The following KCNH7 variants were observed in gnomAD, a reference collection of about 807,000 sequenced individuals.
KCNH7 encodes potassium voltage-gated channel subfamily H member 7, also known as voltage-gated inwardly rectifying potassium channel KCNH7.
Under a neutral mutation model 120.8 loss-of-function variants are expected in KCNH7, and 49 were observed. The ratio of observed to expected loss-of-function variants is 0.41; its 90% CI spans 0.32 to 0.51. The LOEUF (loss-of-function observed/expected upper bound fraction) is 0.51. KCNH7 is among the 20% of genes least tolerant of loss of function. KCNH7 has a pLI of 0.38. For synonymous variants in KCNH7, 547 were observed against 516.1 expected, an observed-to-expected ratio of 1.06 and a Z score of -0.81; for missense variants, 1,097 against 1,446.6, an observed-to-expected ratio of 0.76 and a Z score of 3.92.
At chr2:162,747,600 T>C (rs2105422928) in intron 2 of KCNH7, among the ~76,000 whole-genome samples, 1 of 152,268 alleles carries the variant, frequency 6.6e-6, no homozygotes, top group East Asian at 1.9e-4. Flanking sequence ...TTCCACCCAA[T>C]AGTCTAGTTC....
chr2:162,781,357 A>G (rs1287975110), intron 2 of KCNH7, among the ~76,000 whole-genome samples: 2 of 152,118 alleles, frequency 1.3e-5, no homozygotes, highest in African/African-American at 4.8e-5. Context: ...GCAGTAAGCA[A>G]TAAGGCCAGA....
intron 2 of KCNH7, among the ~76,000 whole-genome samples, chr2:162,701,302 G>T (rs1056504204): frequency 1.3e-5 from 2 of 152,048 alleles, no homozygotes; most frequent in Admixed American, 6.6e-5. Flanking sequence ...TGCTAATCAT[G>T]CATCATTGAC....
At chr2:162,568,621 T>C (rs1437770593) in intron 2 of KCNH7, among the ~76,000 whole-genome samples, 1 of 151,974 alleles carries the variant, frequency 6.6e-6, no homozygotes, top group African/African-American at 2.4e-5. Context: ...TTGAATTGCA[T>C]GACCAGCAGC....
intron 2 of KCNH7, among the ~76,000 whole-genome samples, chr2:162,647,232 A>C (rs1684393552): frequency 6.6e-6 from 1 of 152,176 alleles, no homozygotes; most frequent in Non-Finnish European, 1.5e-5. Context: ...GGGTTGCCGC[A>C]GTCTCCTAAA....
At chr2:162,428,829 T>G (rs1687959429) in intron 8 of KCNH7, among the ~76,000 whole-genome samples, 1 of 151,906 alleles carries the variant, frequency 6.6e-6, no homozygotes, top group Non-Finnish European at 1.5e-5. Context: ...ATACTGTTCT[T>G]CAGATTTTCT....
rs1188472355 is a variant in KCNH7, at chr2:162,635,254, T to C, written c.308-98174A>G. Among the ~76,000 whole-genome samples, 4 of 152,062 alleles carry C rather than the reference T, an allele frequency of 2.6e-5. 1 individual carries two copies. The highest frequency in any genetic ancestry group is 4.1e-4 in the South Asian group (2 of 4,832). On this transcript the variant is annotated intron_variant, in intron 2 of 15. Coordinates refer to ENST00000332142, the MANE Select transcript of KCNH7 (RefSeq NM_033272.4). ...ATGAGCTAGACATTGGGATATAAAA[T>C]AGGTAAGACACAGTTTGTCTCCTTA...
At chr2:162,771,265 A>C (rs1683044155) in intron 2 of KCNH7, among the ~76,000 whole-genome samples, 1 of 152,026 alleles carries the variant, frequency 6.6e-6, no homozygotes, top group South Asian at 2.1e-4. Flanking sequence ...ATCAAAATCC[A>C]CTCTACATGT....
At chr2:162,797,686 C>T (rs1684193118) in intron 2 of KCNH7, 1 of 151,958 alleles carries the variant, frequency 6.6e-6, no homozygotes, top group Non-Finnish European at 1.5e-5. Context: ...GTGCAGATCT[C>T]CAAACACCAG....
At chr2:162,544,642 T>C (rs1363267187) in intron 2 of KCNH7, among the ~76,000 whole-genome samples, 4 of 152,174 alleles carry the variant, frequency 2.6e-5, no homozygotes, top group Non-Finnish European at 1.5e-5. Context: ...ATATTTTTTA[T>C]GTTTTATAAG....
intron 5 of KCNH7, among the ~76,000 whole-genome samples, chr2:162,511,667 G>A (rs1344802333): frequency 6.6e-6 from 1 of 151,508 alleles, no homozygotes; most frequent in African/African-American, 2.4e-5. Context: ...TTGCTCCCTA[G>A]CGCTATTAAT....
At chr2:162,458,098 TATGTGC>T (rs879655949) in intron 6 of KCNH7, among the ~76,000 whole-genome samples, 2,992 of 138,590 alleles carry the variant, frequency 0.022, 196 homozygotes, top group Admixed American at 0.15. Flanking sequence ...GATATTTGGC[TATGTGC>T]GTGTGTGTGT....
chr2:162,448,167 A>G (rs1688647251), intron 6 of KCNH7, among the ~76,000 whole-genome samples: 1 of 152,114 alleles, frequency 6.6e-6, no homozygotes, highest in Non-Finnish European at 1.5e-5. Flanking sequence ...ATGACTTTCA[A>G]AATCCAAACG....
At chr2:162,475,375 T>C (rs551403282) in intron 6 of KCNH7, among the ~76,000 whole-genome samples, 2 of 152,298 alleles carry the variant, frequency 1.3e-5, no homozygotes, top group Admixed American at 6.5e-5. Flanking sequence ...TTTTGGAAGA[T>C]CTGATATTGA....
At chr2:162,815,558 A>C (rs542388868) in intron 2 of KCNH7, among the ~76,000 whole-genome samples, 233 of 152,342 alleles carry the variant, frequency 1.5e-3, no homozygotes, top group African/African-American at 5.3e-3. Context: ...AGAAACAATA[A>C]AACCTGGGTC....
chr2:162,765,636 A>G (rs538970082), intron 2 of KCNH7, among the ~76,000 whole-genome samples: 1 of 152,360 alleles, frequency 6.6e-6, no homozygotes, highest in South Asian at 2.1e-4. Flanking sequence ...GACAAATTTA[A>G]GTGGTCATAT....
chr2:162,709,246 A>G (rs1488828638), intron 2 of KCNH7, among the ~76,000 whole-genome samples: 3 of 152,116 alleles, frequency 2.0e-5, no homozygotes, highest in South Asian at 2.1e-4. Flanking sequence ...ATTTAAGACA[A>G]AGTATTTAAA....
At chr2:162,458,117 G>GTGTGTGTA (rs113462842) in intron 6 of KCNH7, among the ~76,000 whole-genome samples, 13,541 of 151,826 alleles carry the variant, frequency 0.089, 832 homozygotes, top group African/African-American at 0.17. Context: ...GTGTGTGTGT[G>GTGTGTGTA]TGTGTGTGTG....
intron 6 of KCNH7, among the ~76,000 whole-genome samples, chr2:162,469,791 C>T (rs998620203): frequency 6.6e-6 from 1 of 152,158 alleles, no homozygotes; most frequent in African/African-American, 2.4e-5. Context: ...CATCTCGGCT[C>T]ACTGCAAACT....
At chr2:162,488,596 T>C (rs914062565) in intron 6 of KCNH7, among the ~76,000 whole-genome samples, 2 of 152,182 alleles carry the variant, frequency 1.3e-5, no homozygotes, top group African/African-American at 4.8e-5. Context: ...AACAAAACTT[T>C]CTATACATCT....
Sources: allele counts gnomAD v4.1 joint callset (sites outside exome capture counted in the v4.1 genomes callset), GRCh38; gene constraint gnomAD v4.1.1; transcripts MANE v1.5; gene names NCBI Gene and HGNC (gene_info 2026-07-23, HGNC 2026-07-21).